Variants in CLSTN2 observed in about 807,000 individuals in gnomAD.
CLSTN2 encodes calsyntenin-2.
CLSTN2 carries 48 observed loss-of-function variants against 101.2 expected under a neutral mutation model. The observed-to-expected ratio is 0.47, with a 90% CI of 0.38 to 0.60. The LOEUF (loss-of-function observed/expected upper bound fraction) is 0.60. Ranked by LOEUF, CLSTN2 falls within the 20% of genes least tolerant of loss-of-function variation. CLSTN2 has a pLI of 0.00. For synonymous variants in CLSTN2, 481 were observed against 463.6 expected, an observed-to-expected ratio of 1.04 and a Z score of -0.48; for missense variants, 1,160 against 1,238.2, an observed-to-expected ratio of 0.94 and a Z score of 0.95.
chr3:140,161,628 A>T (rs2010048027), intron 1 of CLSTN2, among the ~76,000 whole-genome samples: 1 of 152,156 alleles, frequency 6.6e-6, no homozygotes, highest in African/African-American at 2.4e-5. Flanking sequence ...AGTTAAATCT[A>T]AGAAATAATT....
intron 8 of CLSTN2, among the ~76,000 whole-genome samples, chr3:140,528,170 A>T (rs1935180974): frequency 6.6e-6 from 1 of 152,208 alleles, no homozygotes; most frequent in Admixed American, 6.5e-5. Context: ...TGTGGTGAAG[A>T]TTAAATAGTA....
At chr3:140,192,751 G>A (rs2010586990) in intron 2 of CLSTN2, among the ~76,000 whole-genome samples, 1 of 151,480 alleles carries the variant, frequency 6.6e-6, no homozygotes, top group South Asian at 2.1e-4. Context: ...AATCTACTCT[G>A]CTGAGATCTG....
intron 5 of CLSTN2, among the ~76,000 whole-genome samples, chr3:140,434,318 C>A (rs981285874): frequency 1.3e-5 from 2 of 152,180 alleles, no homozygotes; most frequent in Non-Finnish European, 2.9e-5. Flanking sequence ...GGGCTTGGAG[C>A]ATTGACCCCA....
At chr3:140,255,132 T>C (rs1461653679) in intron 2 of CLSTN2, among the ~76,000 whole-genome samples, 1 of 152,124 alleles carries the variant, frequency 6.6e-6, no homozygotes, top group African/African-American at 2.4e-5. Flanking sequence ...ATGGCTATGA[T>C]TTAAAAGCAA....
At chr3:140,364,817 G>A (rs754698344) in intron 2 of CLSTN2, among the ~76,000 whole-genome samples, 7 of 152,162 alleles carry the variant, frequency 4.6e-5, no homozygotes, top group Non-Finnish European at 8.8e-5. Flanking sequence ...AGGAAATATT[G>A]ATTGAGTGCC....
At chr3:140,103,963 G>T (rs114241974) in intron 1 of CLSTN2, among the ~76,000 whole-genome samples, 3,161 of 152,326 alleles carry the variant, frequency 0.021, 125 homozygotes, top group African/African-American at 0.072. Context: ...ATGATTGATG[G>T]AGAAAGGAGA....
chr3:140,015,292 G>T (rs981157171), intron 1 of CLSTN2, among the ~76,000 whole-genome samples: 3 of 152,212 alleles, frequency 2.0e-5, no homozygotes, highest in African/African-American at 4.8e-5. Context: ...CTAGGCATTT[G>T]TGTGTAAACA....
At chr3:140,180,778 C>T (rs113336437) in intron 2 of CLSTN2, among the ~76,000 whole-genome samples, 1 of 152,138 alleles carries the variant, frequency 6.6e-6, no homozygotes, top group Non-Finnish European at 1.5e-5. Context: ...CTGAGGGCTG[C>T]CCAGAAAATT....
intron 2 of CLSTN2, among the ~76,000 whole-genome samples, chr3:140,330,779 G>T (rs747881219): frequency 7.7e-4 from 117 of 152,314 alleles, no homozygotes; most frequent in Admixed American, 1.5e-3. Flanking sequence ...TGTACCACTT[G>T]TTCTGTGCAC....
intron 1 of CLSTN2, among the ~76,000 whole-genome samples, chr3:140,012,902 T>C (rs2007117159): frequency 6.6e-6 from 1 of 150,782 alleles, no homozygotes; most frequent in Non-Finnish European, 1.5e-5. Flanking sequence ...GCAGTGGTGC[T>C]GGAAATGCAG....
At chr3:140,244,513 A>G (rs1288684593) in intron 2 of CLSTN2, among the ~76,000 whole-genome samples, 2 of 152,318 alleles carry the variant, frequency 1.3e-5, no homozygotes, top group South Asian at 4.2e-4. Context: ...TCATGCACTT[A>G]GAGCACCAGG....
chr3:140,045,747 C>T (rs2007864974), intron 1 of CLSTN2, among the ~76,000 whole-genome samples: 1 of 152,188 alleles, frequency 6.6e-6, no homozygotes, highest in Admixed American at 6.5e-5. Context: ...CAAAGAACAT[C>T]TTTATTTCTG....
chr3:140,115,320 C>T (rs550625277), intron 1 of CLSTN2, among the ~76,000 whole-genome samples: 66 of 144,164 alleles, frequency 4.6e-4, no homozygotes, highest in African/African-American at 1.9e-3. Flanking sequence ...ATAGATTTTT[C>T]TCTCTGTGTG....
chr3:140,341,047 G>T (rs2087486678), intron 2 of CLSTN2, among the ~76,000 whole-genome samples: 1 of 152,132 alleles, frequency 6.6e-6, no homozygotes, highest in Non-Finnish European at 1.5e-5. Flanking sequence ...TTGACCACCT[G>T]GTTGAGGTAG....
chr3:140,405,159 G>C (rs11718058), intron 4 of CLSTN2, among the ~76,000 whole-genome samples: 1 of 151,854 alleles, frequency 6.6e-6, no homozygotes, highest in African/African-American at 2.4e-5. Flanking sequence ...CAGCCCTATT[G>C]CCTCTAGATG....
At chr3:140,532,121 GTTTCTC>G in intron 8 of CLSTN2, among the ~76,000 whole-genome samples, 197 bp from the exon 9 acceptor site, 1 of 152,236 alleles carries the variant, frequency 6.6e-6, no homozygotes, top group Admixed American at 6.5e-5. Context: ...ATTCTTGGGT[GTTTCTC>G]TTTCCCAGTT....
intron 5 of CLSTN2, among the ~76,000 whole-genome samples, chr3:140,447,552 A>G (rs1933113779): frequency 6.6e-6 from 1 of 152,164 alleles, no homozygotes; most frequent in Non-Finnish European, 1.5e-5. Context: ...GTTCCTCTCT[A>G]ATGCTTTATC....
intron 9 of CLSTN2, among the ~76,000 whole-genome samples, chr3:140,540,235 A>T (rs1488446593): frequency 6.6e-6 from 1 of 152,114 alleles, no homozygotes; most frequent in Non-Finnish European, 1.5e-5. Flanking sequence ...TGTTTCATTC[A>T]CTGTACTGCT....
chr3:140,548,922 T>C (rs1935656855), intron 10 of CLSTN2, among the ~76,000 whole-genome samples: 1 of 151,064 alleles, frequency 6.6e-6, no homozygotes, highest in Non-Finnish European at 1.5e-5. Context: ...ACAAAAGTCA[T>C]GGCAAGGCAA....
Sources: allele counts gnomAD v4.1 joint callset (sites outside exome capture counted in the v4.1 genomes callset), GRCh38; gene constraint gnomAD v4.1.1; transcripts MANE v1.5; gene names NCBI Gene and HGNC (gene_info 2026-07-23, HGNC 2026-07-21).